The following MBNL1 variants were observed in gnomAD, a reference collection of about 807,000 sequenced individuals.
The protein encoded by MBNL1 is muscleblind-like protein 1.
MBNL1 carries 8 observed loss-of-function variants against 42.2 expected under a neutral mutation model. That is an observed-to-expected ratio of 0.19 (90% CI 0.11 to 0.34). MBNL1 has a LOEUF of 0.34. Among genes scored for constraint, MBNL1 ranks in the 10% least tolerant of loss-of-function variants. MBNL1 has a pLI of 1.00. For synonymous variants in MBNL1, 169 were observed against 173.9 expected (o/e 0.97, Z 0.22); for missense variants, 309 against 495.3 (o/e 0.62, Z 3.57).
chr3:152,449,167 T>A (rs1716551334), intron 6 of MBNL1: 2 of 152,214 alleles, frequency 1.3e-5, no homozygotes, highest in Non-Finnish European at 2.9e-5. Context: ...GAGCAAAGTT[T>A]CAAGGGATTA....
At chr3:152,287,115 G>C (rs1052103315) in intron 1 of MBNL1, among the ~76,000 whole-genome samples, 1 of 151,914 alleles carries the variant, frequency 6.6e-6, no homozygotes, top group African/African-American at 2.4e-5. Flanking sequence ...CTACTCAGGA[G>C]GCTGAGGCAG....
chr3:152,431,429 CTTTTGTA>C (rs2099005543), intron 3 of MBNL1, among the ~76,000 whole-genome samples: 1 of 152,142 alleles, frequency 6.6e-6, no homozygotes, highest in Non-Finnish European at 1.5e-5. Flanking sequence ...TAACAAATTT[CTTTTGTA>C]CTATAAGAAT....
chr3:152,420,166 C>T (rs896944337), intron 3 of MBNL1, among the ~76,000 whole-genome samples: 6 of 152,138 alleles, frequency 3.9e-5, no homozygotes, highest in African/African-American at 4.8e-5. Context: ...GGGGAAGGGG[C>T]GGCTGTGGGC....
At chr3:152,365,206 A>T (rs960162453) in intron 2 of MBNL1, among the ~76,000 whole-genome samples, 3 of 152,060 alleles carry the variant, frequency 2.0e-5, no homozygotes, top group Non-Finnish European at 4.4e-5. Context: ...TAGTCCAAAA[A>T]CGCTTGTCAG....
chr3:152,378,379 TATAGTA>T (rs1265585213), intron 2 of MBNL1, among the ~76,000 whole-genome samples: 5 of 152,138 alleles, frequency 3.3e-5, no homozygotes, highest in African/African-American at 1.2e-4. Context: ...TCAAGAGAGA[TATAGTA>T]ATGTACTTTT....
upstream of MBNL1, chr3:152,268,177 C>T (rs2037795178): frequency 6.6e-6 from 1 of 152,454 alleles, no homozygotes; most frequent in Non-Finnish European, 1.5e-5. Flanking sequence ...GCTTTGCTTT[C>T]TCTAAATCAC....
intron 8 of MBNL1, 75 bp from the exon 9 acceptor site, chr3:152,459,196 T>C: frequency 1.4e-6 from 1 of 731,154 alleles, no homozygotes; most frequent in Non-Finnish European, 2.2e-6. Flanking sequence ...AAAAATTTAA[T>C]ATTAAAATGT....
chr3:152,341,845 T>A (rs978445463), intron 2 of MBNL1, among the ~76,000 whole-genome samples: 1 of 152,190 alleles, frequency 6.6e-6, no homozygotes, highest in Non-Finnish European at 1.5e-5. Flanking sequence ...TTTGGTACTT[T>A]AAGGGACTGT....
At chr3:152,448,144 A>C (rs1714147090) in intron 6 of MBNL1, among the ~76,000 whole-genome samples, 1 of 152,162 alleles carries the variant, frequency 6.6e-6, no homozygotes, top group Non-Finnish European at 1.5e-5. Flanking sequence ...GTTAATTTAA[A>C]TTATATAAAA....
At chr3:152,424,427 C>T (rs1289641638) in intron 3 of MBNL1, among the ~76,000 whole-genome samples, 2 of 152,056 alleles carry the variant, frequency 1.3e-5, no homozygotes, top group Non-Finnish European at 2.9e-5. Flanking sequence ...TAAGAGAGGA[C>T]ACAAGCAAAT....
chr3:152,264,500 T>C (rs1249476457), upstream of MBNL1: 1 of 152,076 alleles, frequency 6.6e-6, no homozygotes, highest in African/African-American at 2.4e-5. Context: ...CTTGTCCTTA[T>C]TGTCTTTAAG....
At chr3:152,412,349 C>G (rs1160951377) in intron 2 of MBNL1, among the ~76,000 whole-genome samples, 1 of 152,110 alleles carries the variant, frequency 6.6e-6, no homozygotes, top group Non-Finnish European at 1.5e-5. Flanking sequence ...TCTGCTATAT[C>G]AGAATCACCT....
At chr3:152,316,575 A>ATGCTCCATCACCTAGTCCTGCT (rs909311993) in intron 2 of MBNL1, among the ~76,000 whole-genome samples, 1 of 152,066 alleles carries the variant, frequency 6.6e-6, no homozygotes, top group Non-Finnish European at 1.5e-5. Flanking sequence ...CTAGACCTTC[A>ATGCTCCATCACCTAGTCCTGCT]TGCTCCATCA....
At chr3:152,277,598 T>C (rs2046008229) in intron 1 of MBNL1, among the ~76,000 whole-genome samples, 1 of 151,846 alleles carries the variant, frequency 6.6e-6, no homozygotes, top group Non-Finnish European at 1.5e-5. Context: ...TTGCTTTTGG[T>C]TAATGGTTAT....
At chr3:152,379,756 G>A (rs2097098946) in intron 2 of MBNL1, among the ~76,000 whole-genome samples, 1 of 152,076 alleles carries the variant, frequency 6.6e-6, no homozygotes, top group Non-Finnish European at 1.5e-5. Flanking sequence ...TTTAAAATTT[G>A]TCTTATTTTG....
intron 3 of MBNL1, among the ~76,000 whole-genome samples, chr3:152,416,319 G>T (rs1236887568): frequency 6.6e-6 from 1 of 152,084 alleles, no homozygotes; most frequent in South Asian, 2.1e-4. Context: ...ACCTGATCTG[G>T]TTTTTTCCCC....
chr3:152,372,278 T>C (rs1018316763), intron 2 of MBNL1, among the ~76,000 whole-genome samples: 3 of 152,130 alleles, frequency 2.0e-5, no homozygotes, highest in African/African-American at 7.2e-5. Context: ...GTTACCCACC[T>C]TCCGAAGCCT....
At chr3:152,448,257 G>A (rs1302548305) in intron 6 of MBNL1, among the ~76,000 whole-genome samples, 1 of 152,026 alleles carries the variant, frequency 6.6e-6, no homozygotes, top group Non-Finnish European at 1.5e-5. Context: ...GCTCTTATTG[G>A]CATCAATCAG....
chr3:152,365,458 CT>C (rs1247065944), intron 2 of MBNL1, among the ~76,000 whole-genome samples: 1 of 152,040 alleles, frequency 6.6e-6, no homozygotes, highest in Non-Finnish European at 1.5e-5. Flanking sequence ...AAGACTTTCC[CT>C]TTTCAAATTT....
Sources: allele counts gnomAD v4.1 joint callset (sites outside exome capture counted in the v4.1 genomes callset), GRCh38; gene constraint gnomAD v4.1.1; transcripts MANE v1.5; gene names NCBI Gene and HGNC (gene_info 2026-07-23, HGNC 2026-07-21).